Variants in TDRD3 observed in about 807,000 individuals in gnomAD.
TDRD3 encodes the protein tudor domain-containing protein 3.
A neutral mutation model predicts 86.7 loss-of-function variants in TDRD3; 45 were observed. That is an observed-to-expected ratio of 0.52 (90% confidence interval 0.41 to 0.67). TDRD3 has a LOEUF of 0.67. Ranked by LOEUF, TDRD3 falls within the 30% of genes least tolerant of loss-of-function variation. The pLI is 0.00. For missense variants in TDRD3, 814 were observed against 889.0 expected (o/e 0.92, Z 1.07); for synonymous variants, 298 against 301.7 (o/e 0.99, Z 0.13).
chr13:60,528,695 G>A lies in TDRD3; in HGVS notation c.1470G>A (p.Gln490=). The change falls in exon 11 of 14, where the codon CAG becomes CAA. Residue 490 remains glutamine, a synonymous_variant. Transcript: ENST00000377881. ...ATACTTCATATCCTTTAGGTTCTCA[G>A]CATAGTGATGGTGCTTTTAAAAAAA... The part of the protein sequence containing the change: ...TKDTSYPLGS[Q]HSDGAFKKRD... 8.1e-6 allele frequency: 13 copies of A among 1,613,128 alleles called. No homozygotes were observed. Among genetic ancestry groups the A allele is most frequent in the Non-Finnish European group, 1.1e-5 (13 of 1,179,668 alleles).
intron 13 of TDRD3, among the ~76,000 whole-genome samples, chr13:60,568,539 G>T (rs1169128412): frequency 6.6e-6 from 1 of 152,188 alleles, no homozygotes; most frequent in African/African-American, 2.4e-5. Context: ...AATAAGCTCA[G>T]TGTGCTTATA....
chr13:60,510,015 TTTTG>T lies in TDRD3; in HGVS notation c.1015+100_1015+103del, dbSNP rs1595045945. 5.5e-6 allele frequency: 8 copies of T among 1,451,386 alleles called. No homozygotes were observed. The East Asian group carries it at 1.9e-4, about 34-fold the overall frequency. The allele number at this position is 1,451,386 out of a possible 1,614,324, so 89.9% of individuals were successfully genotyped here. A position where few individuals can be genotyped will look rare whatever the true frequency, so the allele number is the denominator to read the frequency against. On this transcript the variant is annotated intron_variant, in intron 9 of 13. Transcript: ENST00000377881. The stretch of plus-strand genomic sequence containing the variant: ...GCTGTTATTTCTGTGAGGGCTGTAA[TTTTG>T]TTTAACATTATGGTAAGTGGAAGGA...
intron 8 of TDRD3, among the ~76,000 whole-genome samples, chr13:60,498,675 C>G (rs1956767845): frequency 6.6e-6 from 1 of 152,096 alleles, no homozygotes; most frequent in African/African-American, 2.4e-5. Context: ...GGCTGGGTCC[C>G]CTTGAGGAAA....
intron 5 of TDRD3, 90 bp from the exon 6 acceptor site, chr13:60,483,685 C>A: frequency 8.6e-7 from 1 of 1,168,906 alleles, no homozygotes; most frequent in Non-Finnish European, 1.2e-6. Flanking sequence ...TAAGAATCTA[C>A]TCAAATAGGT....
chr13:60,462,047 C>G (rs1955814770), intron 4 of TDRD3, among the ~76,000 whole-genome samples: 1 of 152,086 alleles, frequency 6.6e-6, no homozygotes, highest in Non-Finnish European at 1.5e-5. Flanking sequence ...AATGAGGCCC[C>G]CTCCTCAGAA....
chr13:60,532,848 GTC>G (rs1413297593), intron 11 of TDRD3, among the ~76,000 whole-genome samples: 2 of 151,990 alleles, frequency 1.3e-5, no homozygotes, highest in Non-Finnish European at 2.9e-5. Context: ...TGTGATCCTG[GTC>G]TTAGACCATG....
intron 1 of TDRD3, among the ~76,000 whole-genome samples, chr13:60,414,284 A>T (rs1594903008): frequency 6.6e-6 from 1 of 152,172 alleles, no homozygotes; most frequent in Non-Finnish European, 1.5e-5. Flanking sequence ...GACTATGACC[A>T]GTGGGCCAAA....
At chr13:60,542,643 T>A (rs986458489) in intron 12 of TDRD3, among the ~76,000 whole-genome samples, 2 of 152,232 alleles carry the variant, frequency 1.3e-5, no homozygotes, top group Non-Finnish European at 2.9e-5. Context: ...GGACTTATGA[T>A]ACATATTTGA....
chr13:60,493,709 A>G (rs1348179933), intron 7 of TDRD3, among the ~76,000 whole-genome samples: 3 of 152,222 alleles, frequency 2.0e-5, no homozygotes, highest in Admixed American at 6.5e-5. Flanking sequence ...CAAATGTTTC[A>G]TACTGTACAG....
rs990672218 is a variant in TDRD3 at position 60,529,058 on chromosome 13, T to G, written c.1833T>G (p.Ala611=). Residue 611 remains alanine (A), a synonymous_variant, in exon 11 of 14, where the codon GCT becomes GCG. Coordinates refer to ENST00000377881, the MANE Select transcript of TDRD3 (RefSeq NM_001146070.2). ...TTAAGCCAGCAGGACCTGTCACAGC[T>G]GTACCCTGTGATGATAAAATATTTT... ...GPIKPAGPVT[A]VPCDDKIFYN... is the part of the protein sequence containing the mutation. 8.7e-6 allele frequency: 14 copies of G among 1,614,042 alleles called. No individual in the cohort carries two copies. The highest frequency in any genetic ancestry group is 1.2e-5 in the Non-Finnish European group (14 of 1,179,950).
chr13:60,527,487 G>A (rs1197754921), intron 10 of TDRD3, among the ~76,000 whole-genome samples: 1 of 152,110 alleles, frequency 6.6e-6, no homozygotes, highest in Non-Finnish European at 1.5e-5. Flanking sequence ...GTATGACAAA[G>A]GAAACAAGAC....
At chr13:60,408,093 A>AC (rs1954276671) in intron 1 of TDRD3, among the ~76,000 whole-genome samples, 1 of 151,690 alleles carries the variant, frequency 6.6e-6, no homozygotes, top group Non-Finnish European at 1.5e-5. Flanking sequence ...GTGGAACTGT[A>AC]AGCCCAAATA....
chr13:60,557,181 G>T (rs1958208795), intron 12 of TDRD3, among the ~76,000 whole-genome samples: 2 of 149,924 alleles, frequency 1.3e-5, no homozygotes, highest in Admixed American at 1.3e-4. Context: ...ACTCCAGCTT[G>T]GGCAACAAGA....
chr13:60,566,653 T>G (rs976674490), intron 12 of TDRD3, among the ~76,000 whole-genome samples: 1 of 152,172 alleles, frequency 6.6e-6, no homozygotes, highest in Admixed American at 6.5e-5. Flanking sequence ...GCTAATTTTT[T>G]CTCTCTCTAA....
At chr13:60,406,826 T>C (rs1266034632) in intron 1 of TDRD3, among the ~76,000 whole-genome samples, 1 of 152,162 alleles carries the variant, frequency 6.6e-6, no homozygotes, top group African/African-American at 2.4e-5. Flanking sequence ...TTTTAAAAAA[T>C]TCCCCACAAT....
Position 60,456,285 on chromosome 13 carries a change from C to T in TDRD3, c.193-4095C>T, listed in dbSNP as rs146132351. Among the ~76,000 whole-genome samples, 515 of 152,182 alleles carry T rather than the reference C, an allele frequency of 3.4e-3. 4 individuals carry two copies. The highest frequency in any genetic ancestry group is 0.012 in the African/African-American group (490 of 41,516). ...TCAATAAATTAATAAATTAACACAACCATTTAAATCTGATATTTCATATCC... is the reference window on the plus strand; with the variant it reads ...TCAATAAATTAATAAATTAACACAATCATTTAAATCTGATATTTCATATCC... On this transcript the variant is annotated intron_variant, in intron 3 of 13. Coordinates refer to ENST00000377881, the MANE Select transcript of TDRD3 (RefSeq NM_001146070.2).
At chr13:60,417,822 T>C (rs540947573) in intron 1 of TDRD3, among the ~76,000 whole-genome samples, 3 of 152,240 alleles carry the variant, frequency 2.0e-5, no homozygotes, top group African/African-American at 7.2e-5. Flanking sequence ...CTTCTTCTCT[T>C]TACACTCTTG....
In TDRD3 at chr13:60,439,131, G is replaced by A. The variant is rs1225903001; in HGVS notation, c.42-557G>A. 3.9e-5 allele frequency among the ~76,000 whole-genome samples: 6 copies of A among 152,194 alleles called. No homozygotes were observed. The East Asian group carries it at 1.2e-3, about 29-fold the overall frequency. On this transcript the variant is annotated intron_variant, in intron 1 of 13. Coordinates refer to ENST00000377881, the MANE Select transcript of TDRD3 (RefSeq NM_001146070.2). ...GCGTAAAAAAAACTGAAAAGAGATAGGAAAAGTAAAAGATGTATTGTAAAA... is the reference window on the plus strand; with the variant it reads ...GCGTAAAAAAAACTGAAAAGAGATAAGAAAAGTAAAAGATGTATTGTAAAA...
chr13:60,535,205 A>G lies in TDRD3; in HGVS notation c.2090A>G (p.Asn697Ser), dbSNP rs1043421467. ...AACTATGAAGAGGTGCTACTGAGCA[A>G]TATCAAGCCCATTCAAACAGAGGCA... is the stretch of plus-strand genomic sequence containing the variant. ...YGNYEEVLLSNIKPIQTEAWE... is the reference protein window; with the variant it reads ...YGNYEEVLLSSIKPIQTEAWE... Residue 697 changes from asparagine to serine, a missense_variant, in exon 12 of 14, where the codon AAT (asparagine) becomes AGT (serine). Asn to Ser is a conservative substitution (Grantham distance 46). Transcript: ENST00000377881. 3.7e-6 allele frequency: 6 copies of G among 1,613,720 alleles called. No individual in the cohort carries two copies. The highest frequency in any genetic ancestry group is 2.2e-5 in the East Asian group (1 of 44,866).
Sources: allele counts gnomAD v4.1 joint callset (sites outside exome capture counted in the v4.1 genomes callset), GRCh38; gene constraint gnomAD v4.1.1; transcripts MANE v1.5; gene names NCBI Gene and HGNC (gene_info 2026-07-23, HGNC 2026-07-21).